The following MYLK3 variants were observed in gnomAD, a reference collection of about 807,000 sequenced individuals.
MYLK3 encodes the protein MLC kinase.
MYLK3 carries 55 observed loss-of-function variants against 76.3 expected under a neutral mutation model. The ratio of observed to expected loss-of-function variants is 0.72; its 90% CI spans 0.58 to 0.90. MYLK3 has a LOEUF of 0.90. MYLK3 is among the 40% of genes least tolerant of loss of function. The pLI is 0.00. For missense variants in MYLK3, 973 were observed against 1,053.6 expected (o/e 0.92, Z 1.06); for synonymous variants, 416 against 425.4 (o/e 0.98, Z 0.27).
At chr16:46,709,917 C>T (rs764411853) in intron 11 of MYLK3, among the ~76,000 whole-genome samples, 3 of 152,198 alleles carry the variant, frequency 2.0e-5, no homozygotes, top group Non-Finnish European at 4.4e-5. Context: ...CTGGGAGGAA[C>T]CACTTCCCAG....
chr16:46,728,959 G>A, intron 7 of MYLK3, 65 bp downstream of exon 7: 1 of 1,188,010 alleles, frequency 8.4e-7, no homozygotes, highest in Non-Finnish European at 1.3e-6. Context: ...CTCGAATGAA[G>A]GCTCTAAGCC....
At chr16:46,747,678 G>A in intron 1 of MYLK3, 39 bp downstream of exon 1, 1 of 1,573,784 alleles carries the variant, frequency 6.4e-7, no homozygotes, top group Non-Finnish European at 8.7e-7. Flanking sequence ...CCAGGGCCGG[G>A]GCCTCCCATC....
rs988126507 is a variant in MYLK3 at position 46,703,890 on chromosome 16, A to G, written c.*3814T>C. On this transcript the variant is annotated 3_prime_UTR_variant, in exon 13 of 13. Transcript: ENST00000394809. ...GCTATTAAACACTTAAAATGTGGCT[A>G]GTGCAACTGCAGAACTGAATTTCTA... 5 of 153,806 alleles carry G rather than the reference A, an allele frequency of 3.3e-5. No individual in the cohort carries two copies. The highest frequency in any genetic ancestry group is 7.2e-5 in the African/African-American group (3 of 41,472). 9.5% of individuals were successfully genotyped at this position (153,806 alleles called of 1,614,324 possible). A position where few individuals can be genotyped will look rare whatever the true frequency, so the allele number is the denominator to read the frequency against.
chr16:46,745,504 G>A (rs1053463187), intron 1 of MYLK3, among the ~76,000 whole-genome samples: 17 of 152,144 alleles, frequency 1.1e-4, no homozygotes, highest in Admixed American at 5.2e-4. Flanking sequence ...AGCACTTTGG[G>A]AGGCCAAAGC....
intron 3 of MYLK3, among the ~76,000 whole-genome samples, chr16:46,736,073 T>A (rs1179723308): frequency 1.3e-5 from 2 of 152,164 alleles, no homozygotes; most frequent in Admixed American, 6.5e-5. Flanking sequence ...AATGGTGTGA[T>A]CATAACTCAC....
upstream of MYLK3, among the ~76,000 whole-genome samples, chr16:46,751,400 C>G (rs988874348): frequency 1.3e-4 from 20 of 151,858 alleles, no homozygotes; most frequent in Non-Finnish European, 5.9e-5. Context: ...GAGCAAGACT[C>G]TGTCTCAAAA....
chr16:46,738,690 T>C lies in MYLK3; in HGVS notation c.569-547A>G, dbSNP rs367936593. ...AAGGGAGCATGTGTGAGTGTGCATG[T>C]GTGCACATGTGCACATAACCACTGA... On this transcript the variant is annotated intron_variant, in intron 2 of 12. Coordinates refer to ENST00000394809, the MANE Select transcript of MYLK3 (RefSeq NM_182493.3). 7.9e-5 allele frequency among the ~76,000 whole-genome samples: 12 copies of C among 152,394 alleles called. No homozygotes were observed. The East Asian group carries it at 1.7e-3, about 22-fold the overall frequency.
chr16:46,738,346 T>A (rs138461967), intron 2 of MYLK3, among the ~76,000 whole-genome samples: 1 of 152,222 alleles, frequency 6.6e-6, no homozygotes, highest in African/African-American at 2.4e-5. Context: ...AAAGGAGAAA[T>A]TAATATCTCT....
At chr16:46,716,034 T>C (rs934646938) in intron 9 of MYLK3, among the ~76,000 whole-genome samples, 41 of 152,262 alleles carry the variant, frequency 2.7e-4, no homozygotes, top group Middle Eastern at 3.4e-3. Context: ...GTTTTTGACG[T>C]TTTCAGTCCA....
At chr16:46,729,295 A>G (rs1002902479) in intron 6 of MYLK3, among the ~76,000 whole-genome samples, 162 bp from the exon 7 acceptor site, 1 of 152,010 alleles carries the variant, frequency 6.6e-6, no homozygotes, top group African/African-American at 2.4e-5. Flanking sequence ...CTACAACACA[A>G]AGGGCCTGAG....
intron 1 of MYLK3, among the ~76,000 whole-genome samples, chr16:46,759,202 C>T (rs1257659668): frequency 6.6e-6 from 1 of 152,244 alleles, no homozygotes; most frequent in African/African-American, 2.4e-5. Flanking sequence ...TGGGCGAAGA[C>T]TTCTCATTTA....
In MYLK3 at chr16:46,709,553, G is replaced by T. The variant is rs781170518; in HGVS notation, c.2386C>A (p.Gln796Lys). ...AAACCAAATACCTTCCATTTTCTTT[G>T]AGCTATGTATTTCTGCAGCAGTAGT... Reference protein sequence around the residue: ...SQLLLQKYIAQRKWKKHFYVV... With the variant: ...SQLLLQKYIAKRKWKKHFYVV... The change falls in exon 12 of 13, where the codon CAA becomes AAA. Residue 796 changes from glutamine (Q) to lysine (K), a missense_variant. By Grantham distance (53) the Gln-to-Lys change is moderately conservative. This residue lies in a region of MYLK3 where 332 missense variants were observed against 416.6 expected (regional missense o/e 0.80). Coordinates refer to ENST00000394809, the MANE Select transcript of MYLK3 (RefSeq NM_182493.3). 2 of 1,613,856 alleles carry T rather than the reference G, an allele frequency of 1.2e-6. No individual in the cohort carries two copies. The highest frequency in any genetic ancestry group is 2.2e-5 in the South Asian group (2 of 91,018).
chr16:46,727,086 G>A (rs1430268194), intron 8 of MYLK3, 150 bp downstream of exon 8: 1 of 679,864 alleles, frequency 1.5e-6, no homozygotes, highest in African/African-American at 1.8e-5. Context: ...GAGGCAGCAA[G>A]AGTGGCCTGT....
chr16:46,721,593 G>C (rs194054), intron 8 of MYLK3, among the ~76,000 whole-genome samples: 150,079 of 152,342 alleles, frequency 0.99, 73,952 homozygotes, highest in East Asian at 1. Flanking sequence ...GTCTCGAATT[G>C]CTGGGCTCAA....
chr16:46,756,130 G>A (rs996387297), intron 1 of MYLK3, among the ~76,000 whole-genome samples: 3 of 151,866 alleles, frequency 2.0e-5, no homozygotes, highest in Non-Finnish European at 2.9e-5. Context: ...GGCTGGTCTC[G>A]AACTCCTAAG....
In MYLK3 at chr16:46,705,970, C is replaced by CAAA. The variant is rs35547358; in HGVS notation, c.*1731_*1733dup. The CAAA allele has an allele frequency of 8.0e-6, 1 of 125,594 alleles. No individual in the cohort carries two copies. Among genetic ancestry groups the CAAA allele is most frequent in the Non-Finnish European group, 1.7e-5 (1 of 58,482 alleles). The allele number at this position is 125,594 out of a possible 1,614,324, so 7.8% of individuals were successfully genotyped here. Reference sequence around the variant, plus strand: ...TGGGCAACAGAGTGAGACCCTGTCTCAAAAAAAAAAAAAAGTGTTAGTTGC... The same window carrying CAAA: ...TGGGCAACAGAGTGAGACCCTGTCTCAAAAAAAAAAAAAAAAAGTGTTAGTTGC... On this transcript the variant is annotated 3_prime_UTR_variant, in exon 13 of 13. Transcript: ENST00000394809.
rs1162099569 is a variant in MYLK3, at chr16:46,703,791, A to C, written c.*3913T>G. The C allele has an allele frequency of 6.5e-6, 1 of 153,796 alleles. No homozygotes were observed. The highest frequency in any genetic ancestry group is 1.5e-5 in the Non-Finnish European group (1 of 68,050). 9.5% of individuals were successfully genotyped at this position (153,796 alleles called of 1,614,324 possible). ...TAAGGAATAACAGCATAAAGGGAAA[A>C]AAATTAAAATTGTTAGATACAGGAT... On this transcript the variant is annotated 3_prime_UTR_variant, in exon 13 of 13. Transcript: ENST00000394809.
At chr16:46,742,998 C>T (rs1966959111) in intron 1 of MYLK3, among the ~76,000 whole-genome samples, 1 of 152,174 alleles carries the variant, frequency 6.6e-6, no homozygotes. Context: ...CCTCTCCTTC[C>T]CTTATCTTTA....
At position 46,706,105 on chromosome 16, in the gene MYLK3, G is replaced by T. The variant is rs974443187; in HGVS notation, c.*1599C>A. 1 of 152,062 alleles carries T rather than the reference G, an allele frequency of 6.6e-6. No individual in the cohort carries two copies. The highest frequency in any genetic ancestry group is 2.4e-5 in the African/African-American group (1 of 41,376). 9.4% of individuals were successfully genotyped at this position (152,062 alleles called of 1,614,324 possible). On this transcript the variant is annotated 3_prime_UTR_variant, in exon 13 of 13. Coordinates refer to ENST00000394809, the MANE Select transcript of MYLK3 (RefSeq NM_182493.3). ...GGACCCTTGAACAATGTGAGGGTTA[G>T]GAGTGCCTACCCCCTTGCAGTAGAA...
Sources: gnomAD v4.1 joint callset for allele counts (sites outside exome capture counted in the v4.1 genomes callset) on GRCh38, gnomAD v4.1.1 for gene constraint, gnomAD v4.1.1 regional missense constraint, MANE v1.5 for transcripts, NCBI Gene and HGNC (gene_info 2026-07-23, HGNC 2026-07-21) for gene names.